The following ZDHHC23 variants were observed in gnomAD, a reference collection of about 807,000 sequenced individuals.
ZDHHC23 encodes palmitoyltransferase ZDHHC23.
In ZDHHC23, 41 loss-of-function variants were observed where a neutral mutation model predicts 40.2. That is an observed-to-expected ratio of 1.02 (90% CI 0.79 to 1.32). ZDHHC23 has a LOEUF of 1.32. Among genes scored for constraint, ZDHHC23 ranks in the 40% most tolerant of loss-of-function variants. ZDHHC23 has a pLI of 0.00. For synonymous variants in ZDHHC23, 204 were observed against 210.2 expected, an observed-to-expected ratio of 0.97 and a Z score of 0.26; for missense variants, 471 against 541.5, an observed-to-expected ratio of 0.87 and a Z score of 1.29.
intron 1 of ZDHHC23, 156 bp from the exon 2 acceptor site, chr3:113,948,530 G>C: frequency 2.7e-6 from 1 of 368,196 alleles, no homozygotes; most frequent in Non-Finnish European, 5.0e-6. Flanking sequence ...GGAACGGCTG[G>C]TGCCCAGACG....
chr3:113,958,862 G>A lies in ZDHHC23; in HGVS notation c.*232G>A. The A allele has an allele frequency of 7.5e-7, 1 of 1,340,608 alleles. No homozygotes were observed. The highest frequency in any genetic ancestry group is 9.7e-7 in the Non-Finnish European group (1 of 1,025,662). The allele number at this position is 1,340,608 out of a possible 1,614,324, so 83.0% of individuals were successfully genotyped here. Reference sequence around the variant, plus strand: ...TTCCTTTCCAGTCACCTTTTTAATTGACTCAGTTGCCTGAACTTGAGAAGG... The same window carrying A: ...TTCCTTTCCAGTCACCTTTTTAATTAACTCAGTTGCCTGAACTTGAGAAGG... On this transcript the variant is annotated 3_prime_UTR_variant, in exon 5 of 5. Transcript: ENST00000638807.
At chr3:113,978,950 G>T in the ZDHHC23 span, 1 of 1,613,974 alleles carries the variant, frequency 6.2e-7, no homozygotes. Context: ...TCCTGACTAC[G>T]CTGGAACCAC....
At chr3:113,956,265 A>G (rs1408104201) in intron 3 of ZDHHC23, 74 bp from the exon 4 acceptor site, 54 of 1,474,702 alleles carry the variant, frequency 3.7e-5, no homozygotes, top group African/African-American at 2.8e-5. Context: ...TAAAGCTTTC[A>G]TGTTTATTAT....
Position 113,960,582 on chromosome 3 carries a change from A to G in ZDHHC23, c.*1952A>G, listed in dbSNP as rs1164839602. 1.3e-6 allele frequency: 2 copies of G among 1,525,278 alleles called. No homozygotes were observed. Among genetic ancestry groups the G allele is most frequent in the African/African-American group, 2.8e-5 (2 of 70,316 alleles). 94.5% of individuals were successfully genotyped at this position (1,525,278 alleles called of 1,614,324 possible). A position where few individuals can be genotyped will look rare whatever the true frequency, so the allele number is the denominator to read the frequency against. ...CAAATTGATAGAAACATTAGTCAGT[A>G]ATTTTAGCTTCTTGCCAAATTGTTC... On this transcript the variant is annotated 3_prime_UTR_variant, in exon 5 of 5. Coordinates refer to ENST00000638807, the MANE Select transcript of ZDHHC23 (RefSeq NM_001320466.2).
downstream of ZDHHC23, among the ~76,000 whole-genome samples, chr3:113,966,949 A>G (rs1940240057): frequency 6.6e-6 from 1 of 151,976 alleles, no homozygotes; most frequent in African/African-American, 2.4e-5. Flanking sequence ...AAATACAAAA[A>G]TTAGCCCGGC....
At chr3:113,965,442 ATAATTCTTATGT>A (rs1430858411), downstream of ZDHHC23, 1 of 701,370 alleles carries the variant, frequency 1.4e-6, no homozygotes, top group Non-Finnish European at 2.3e-6. Flanking sequence ...CTTTATAAAA[ATAATTCTTATGT>A]TAATAAAATG....
chr3:113,968,477 G>A (rs6777842), downstream of ZDHHC23, among the ~76,000 whole-genome samples: 3,269 of 150,470 alleles, frequency 0.022, 55 homozygotes, highest in South Asian at 0.042. Context: ...TTTTTAGGGC[G>A]TCACTCTGTC....
Position 113,956,472 on chromosome 3 carries a change from C to A in ZDHHC23, c.1006C>A (p.Leu336Ile). Residue 336 changes from leucine (L) to isoleucine (I), a missense_variant, in exon 4 of 5, where the codon CTT (leucine) becomes ATT (isoleucine). Transcript: ENST00000638807. The part of the protein sequence containing the change: ...ICRDRSVFTA[L>I]FYCPGVYANY... ...TAGAGACAGAAGTGTCTTCACAGCT[C>A]TTTTCTATTGTCCTGGAGTTTATGC... 1 of 1,614,144 alleles carries A rather than the reference C, an allele frequency of 6.2e-7. No individual in the cohort carries two copies. The highest frequency in any genetic ancestry group is 8.5e-7 in the Non-Finnish European group (1 of 1,180,018).
At position 113,953,838 on chromosome 3, in the gene ZDHHC23, T is replaced by C; in HGVS notation, c.300T>C (p.Pro100=). 6.2e-7 allele frequency: 1 copy of C among 1,614,236 alleles called. No individual in the cohort carries two copies. The highest frequency in any genetic ancestry group is 1.7e-5 in the Admixed American group (1 of 60,026). ...TCATCCCTCCGCTTGTCCTGCTGCCTGTCTTCCTTCATGTGGCTTCCTGGC... is the reference window on the plus strand; with the variant it reads ...TCATCCCTCCGCTTGTCCTGCTGCCCGTCTTCCTTCATGTGGCTTCCTGGC... ...ISIIPPLVLL[P]VFLHVASWHF... Residue 100 remains proline, a synonymous_variant, in exon 3 of 5, where the codon CCT becomes CCC. Coordinates refer to ENST00000638807, the MANE Select transcript of ZDHHC23 (RefSeq NM_001320466.2).
chr3:113,969,488 G>C (rs960174909), downstream of ZDHHC23, among the ~76,000 whole-genome samples: 1 of 152,160 alleles, frequency 6.6e-6, no homozygotes, highest in African/African-American at 2.4e-5. Context: ...TCTGGACTTA[G>C]ATTTAAATCT....
chr3:113,975,184 T>C, the ZDHHC23 span, among the ~76,000 whole-genome samples: 1 of 152,188 alleles, frequency 6.6e-6, no homozygotes, highest in Admixed American at 6.5e-5. Flanking sequence ...ATCAGACATA[T>C]TATAAATACT....
Position 113,948,760 on chromosome 3 carries a change from CCTTCTGAGGG to C in ZDHHC23, c.-37_-28del, listed in dbSNP as rs751895067. The C allele has an allele frequency of 4.3e-6, 7 of 1,611,932 alleles. No homozygotes were observed. Among genetic ancestry groups the C allele is most frequent in the Non-Finnish European group, 5.9e-6 (7 of 1,178,930 alleles). ...GTAAGTTGTGTTCTTTCCACCTTTA[CCTTCTGAGGG>C]CTTCTTACGCCTCATGGTGACAGGT... On this transcript the variant is annotated 5_prime_UTR_variant, in exon 2 of 5. Transcript: ENST00000638807.
the ZDHHC23 span, among the ~76,000 whole-genome samples, chr3:113,971,202 T>TTTC: frequency 1.3e-5 from 2 of 152,206 alleles, no homozygotes; most frequent in Non-Finnish European, 2.9e-5. Flanking sequence ...AGTGTTCCTA[T>TTTC]TTCTCCACAT....
rs116634386 is a variant in ZDHHC23 at position 113,949,324 on chromosome 3, A to T, written c.161+361A>T. Among the ~76,000 whole-genome samples the T allele has an allele frequency of 5.8e-3, 883 of 152,358 alleles. 11 individuals are homozygous for T. The highest frequency in any genetic ancestry group is 0.02 in the African/African-American group (830 of 41,592). On this transcript the variant is annotated intron_variant, in intron 2 of 4. Transcript: ENST00000638807. ...TTCCAGAAAGTTCCTGCCTTCTCAG[A>T]GGTCTCAGCATTTAGAGACTGACTA...
chr3:113,978,390 A>G, the ZDHHC23 span: 1 of 1,549,296 alleles, frequency 6.5e-7, no homozygotes, highest in Non-Finnish European at 8.9e-7. Flanking sequence ...AAAGAATTAG[A>G]GCAAATAAAC....
chr3:113,955,978 TCATGCCTGTAATCCCAA>T (rs1438084563), intron 3 of ZDHHC23, among the ~76,000 whole-genome samples: 5 of 152,358 alleles, frequency 3.3e-5, no homozygotes, highest in African/African-American at 1.2e-4. Context: ...GCGCAGTGGC[TCATGCCTGTAATCCCAA>T]CACTTTGGGA....
At chr3:113,958,094 GGT>G (rs1939403995) in intron 4 of ZDHHC23, among the ~76,000 whole-genome samples, 1 of 152,024 alleles carries the variant, frequency 6.6e-6, no homozygotes, top group African/African-American at 2.4e-5. Context: ...CAGCGTGCTG[GGT>G]GTGTGGAGGG....
downstream of ZDHHC23, among the ~76,000 whole-genome samples, chr3:113,966,072 C>A (rs922555838): frequency 1.6e-4 from 25 of 152,132 alleles, no homozygotes; most frequent in Admixed American, 4.6e-4. Context: ...CCAGAAACCA[C>A]AACCCTCAAC....
rs1415374185 is a variant in ZDHHC23, at chr3:113,961,292, T to C, written c.*2662T>C. ...ATACTGGATGTGGAGTTTAATAAATTACCTACTATCATCTGGCCACTTAGA... is the reference window on the plus strand; with the variant it reads ...ATACTGGATGTGGAGTTTAATAAATCACCTACTATCATCTGGCCACTTAGA... On this transcript the variant is annotated 3_prime_UTR_variant, in exon 5 of 5. Coordinates refer to ENST00000638807, the MANE Select transcript of ZDHHC23 (RefSeq NM_001320466.2). 6.6e-6 allele frequency: 1 copy of C among 151,624 alleles called. No homozygotes were observed. Among genetic ancestry groups the C allele is most frequent in the Non-Finnish European group, 1.5e-5 (1 of 68,292 alleles). The allele number at this position is 151,624 out of a possible 1,614,324, so 9.4% of individuals were successfully genotyped here. A position where few individuals can be genotyped will look rare whatever the true frequency, so the allele number is the denominator to read the frequency against.
Sources: gnomAD v4.1 joint callset for allele counts (sites outside exome capture counted in the v4.1 genomes callset) on GRCh38, gnomAD v4.1.1 for gene constraint, MANE v1.5 for transcripts, NCBI Gene and HGNC (gene_info 2026-07-23, HGNC 2026-07-21) for gene names.